Variants in KCNQ3 observed in about 807,000 individuals in gnomAD.
KCNQ3 encodes the protein potassium voltage-gated channel subfamily Q member 3.
In KCNQ3, 30 loss-of-function variants were observed where a neutral mutation model predicts 92.5. That is an observed-to-expected ratio of 0.32 (90% CI 0.24 to 0.44). The LOEUF is 0.44. Among genes scored for constraint, KCNQ3 ranks in the 20% least tolerant of loss-of-function variants. KCNQ3 has a pLI of 1.00. For synonymous variants in KCNQ3, 450 were observed against 468.8 expected, an observed-to-expected ratio of 0.96 and a Z score of 0.52; for missense variants, 913 against 1,140.3, an observed-to-expected ratio of 0.80 and a Z score of 2.87.
At chr8:132,266,768 A>G (rs573409708) in intron 1 of KCNQ3, among the ~76,000 whole-genome samples, 34 of 152,276 alleles carry the variant, frequency 2.2e-4, no homozygotes, top group African/African-American at 7.7e-4. Context: ...AGTGAAGCTG[A>G]AGAATCTTCC....
At chr8:132,328,151 G>C (rs1019858950) in intron 1 of KCNQ3, among the ~76,000 whole-genome samples, 1 of 152,090 alleles carries the variant, frequency 6.6e-6, no homozygotes, top group African/African-American at 2.4e-5. Context: ...GAGCCCACAT[G>C]ATCAAGGCAA....
intron 1 of KCNQ3, among the ~76,000 whole-genome samples, chr8:132,355,194 A>AGGC (rs1349501799): frequency 1.3e-5 from 2 of 152,162 alleles, no homozygotes; most frequent in Non-Finnish European, 2.9e-5. Context: ...GCAGAGCTGT[A>AGGC]GGCTCAATGT....
intron 1 of KCNQ3, among the ~76,000 whole-genome samples, chr8:132,297,927 T>C (rs1817095845): frequency 6.6e-6 from 1 of 152,248 alleles, no homozygotes; most frequent in Non-Finnish European, 1.5e-5. Context: ...AGCAACTCAT[T>C]ATCTTGGCAT....
At chr8:132,323,675 G>T (rs1404657448) in intron 1 of KCNQ3, among the ~76,000 whole-genome samples, 1 of 152,000 alleles carries the variant, frequency 6.6e-6, no homozygotes, top group East Asian at 1.9e-4. Context: ...AACTGATTCT[G>T]TACCAAAATC....
rs869112851 is a variant in KCNQ3, at chr8:132,154,193, G to GTTTTTTTTTTTTTTTTTTTTTTTTTTT, written c.1262+9248_1262+9274dup. Among the ~76,000 whole-genome samples the GTTTTTTTTTTTTTTTTTTTTTTTTTTT allele has an allele frequency of 3.6e-4, 10 of 27,490 alleles. 1 individual carries two copies. The highest frequency in any genetic ancestry group is 1.3e-3 in the South Asian group (1 of 756). 18.0% of individuals were successfully genotyped at this position (27,490 alleles called of 152,430 possible). On this transcript the variant is annotated intron_variant, in intron 9 of 14. Transcript: ENST00000388996. ...CTGATGTACCATCAAAAGGGTAAAA[G>GTTTTTTTTTTTTTTTTTTTTTTTTTTT]TTTTTTTTTTTTTTTTTTTTTTTTT...
intron 9 of KCNQ3, among the ~76,000 whole-genome samples, chr8:132,153,752 T>G (rs536113343): frequency 6.6e-6 from 1 of 151,862 alleles, no homozygotes; most frequent in African/African-American, 2.4e-5. Context: ...CCCATTAACA[T>G]GGGTGAAAGC....
chr8:132,292,952 T>C (rs1007071314), intron 1 of KCNQ3, among the ~76,000 whole-genome samples: 8 of 151,246 alleles, frequency 5.3e-5, no homozygotes, highest in Non-Finnish European at 1.2e-4. Context: ...GTGTAGATTA[T>C]GCGCTTTTTG....
At chr8:132,254,578 T>G (rs1815518675) in intron 1 of KCNQ3, among the ~76,000 whole-genome samples, 1 of 152,168 alleles carries the variant, frequency 6.6e-6, no homozygotes, top group African/African-American at 2.4e-5. Flanking sequence ...AGGCTGATAA[T>G]AAATGTTTTA....
chr8:132,141,733 T>A (rs1563769310), intron 9 of KCNQ3, among the ~76,000 whole-genome samples: 1 of 152,136 alleles, frequency 6.6e-6, no homozygotes, highest in African/African-American at 2.4e-5. Context: ...CACAGACAAA[T>A]CCTTATCAAA....
chr8:132,244,540 T>C (rs897903), intron 1 of KCNQ3, among the ~76,000 whole-genome samples: 198 of 152,286 alleles, frequency 1.3e-3, no homozygotes, highest in Middle Eastern at 6.8e-3. Context: ...ATCAAAAGAA[T>C]GAAAAGGCAA....
At chr8:132,275,683 T>C (rs918642735) in intron 1 of KCNQ3, among the ~76,000 whole-genome samples, 6 of 152,072 alleles carry the variant, frequency 3.9e-5, no homozygotes, top group African/African-American at 1.4e-4. Flanking sequence ...GTTCACACCA[T>C]TCTCCTGCCT....
chr8:132,150,532 C>G (rs1037940712), intron 9 of KCNQ3, among the ~76,000 whole-genome samples: 6 of 152,134 alleles, frequency 3.9e-5, no homozygotes, highest in African/African-American at 1.4e-4. Context: ...TTAAGGAGTG[C>G]TCACCTTAAT....
At chr8:132,425,138 C>A (rs534044464) in intron 1 of KCNQ3, among the ~76,000 whole-genome samples, 1 of 152,250 alleles carries the variant, frequency 6.6e-6, no homozygotes, top group South Asian at 2.1e-4. Context: ...CAGTGGAGCT[C>A]GTGGATCTGC....
At chr8:132,381,563 C>T (rs1044688997) in intron 1 of KCNQ3, among the ~76,000 whole-genome samples, 3 of 152,146 alleles carry the variant, frequency 2.0e-5, no homozygotes, top group Admixed American at 6.5e-5. Flanking sequence ...GAAAAATTCC[C>T]CATTAAGGTA....
intron 1 of KCNQ3, among the ~76,000 whole-genome samples, chr8:132,204,037 C>T (rs1813560323): frequency 6.6e-6 from 1 of 152,180 alleles, no homozygotes; most frequent in Non-Finnish European, 1.5e-5. Flanking sequence ...GTACAAACTA[C>T]TAAGAAAGGA....
chr8:132,359,202 C>T (rs1018307203), intron 1 of KCNQ3, among the ~76,000 whole-genome samples: 5 of 152,156 alleles, frequency 3.3e-5, no homozygotes, highest in Non-Finnish European at 7.3e-5. Context: ...AACCAAATCA[C>T]CTGCCATTTA....
In KCNQ3 at chr8:132,326,957, C is replaced by T. The variant is rs547130868; in HGVS notation, c.387-140776G>A. ...CAGTCCTCTTTCCCTGTTTCATTTT[C>T]CACCCTAACACCTACAGCCTCCGGC... On this transcript the variant is annotated intron_variant, in intron 1 of 14. Coordinates refer to ENST00000388996, the MANE Select transcript of KCNQ3 (RefSeq NM_004519.4). Among the ~76,000 whole-genome samples the T allele has an allele frequency of 1.4e-4, 22 of 152,332 alleles. 1 individual carries two copies. The highest frequency in any genetic ancestry group is 5.3e-4 in the African/African-American group (22 of 41,584).
intron 1 of KCNQ3, among the ~76,000 whole-genome samples, chr8:132,189,857 A>G (rs145574077): frequency 6.5e-4 from 71 of 109,916 alleles, no homozygotes; most frequent in African/African-American, 2.6e-3. Flanking sequence ...AAAATTAGAG[A>G]TGGGGATTGG....
chr8:132,196,980 A>G (rs1016055104), intron 1 of KCNQ3, among the ~76,000 whole-genome samples: 2 of 151,702 alleles, frequency 1.3e-5, no homozygotes, highest in African/African-American at 4.8e-5. Flanking sequence ...TAGATGGGTG[A>G]GGCCAATGAC....
Sources: gnomAD v4.1 joint callset for allele counts (sites outside exome capture counted in the v4.1 genomes callset) on GRCh38, gnomAD v4.1.1 for gene constraint, MANE v1.5 for transcripts, NCBI Gene and HGNC (gene_info 2026-07-23, HGNC 2026-07-21) for gene names.